The following KRT77 variants were observed in gnomAD, a reference collection of about 807,000 sequenced individuals.
The protein encoded by KRT77 is keratin 77.
KRT77 carries 44 observed loss-of-function variants against 51.5 expected under a neutral mutation model. That is an observed-to-expected ratio of 0.85 (90% CI 0.67 to 1.10). KRT77 has a LOEUF of 1.10. Ranked by LOEUF, KRT77 falls within the 50% of genes least tolerant of loss-of-function variation. The pLI, the probability that KRT77 is intolerant of heterozygous loss-of-function variation, is 0.00. For missense variants in KRT77, 763 were observed against 743.9 expected (o/e 1.03, Z -0.30); for synonymous variants, 293 against 302.0 (o/e 0.97, Z 0.31).
At position 52,702,996 on chromosome 12, in the gene KRT77, C is replaced by T. The variant is rs150486275; in HGVS notation, c.439G>A (p.Glu147Lys). Residue 147 changes from glutamate (E) to lysine (K), a missense_variant, in exon 1 of 9, where the codon GAG becomes AAG. Physicochemically the swap from Glu to Lys is moderately conservative, Grantham distance 56. Coordinates refer to ENST00000341809, the MANE Select transcript of KRT77 (RefSeq NM_175078.3). ...GGGTCCACCTCCAGGTGAAGTGGCT[C>T]TAGGAGGCTCTGGTTAATGGTCACC... ...QEVTINQSLL[E>K]PLHLEVDPEI... 3.1e-6 allele frequency: 5 copies of T among 1,614,028 alleles called. No homozygotes were observed. Among genetic ancestry groups the T allele is most frequent in the Non-Finnish European group, 4.2e-6 (5 of 1,179,992 alleles).
In KRT77 at chr12:52,692,519, G is replaced by A. The variant is rs145264018; in HGVS notation, c.1329C>T (p.Ala443=). 422 of 1,614,002 alleles carry A rather than the reference G, an allele frequency of 2.6e-4. 2 individuals carry two copies. In the Middle Eastern group the frequency reaches 4.9e-3, roughly 19 times the overall value. ...TGGCCTGGTAGTCACGCAGCAGCCG[G>A]GCCAGCTCCTCCTTGGACTGCTGCA... ...EALQQSKEEL[A]RLLRDYQAML... Residue 443 remains alanine, a synonymous_variant, in exon 7 of 9, where the codon GCC becomes GCT. Transcript: ENST00000341809.
chr12:52,703,405 C>G lies in KRT77; in HGVS notation c.30G>C (p.Ala10=). The part of the protein sequence containing the change: MSHQFSSQS[A]FSSMSRRVYS... ...AAACCCGCCTGCTCATTGAACTAAACGCGGACTGAGAACTAAATTGGTGGC... is the reference window on the plus strand; with the variant it reads ...AAACCCGCCTGCTCATTGAACTAAAGGCGGACTGAGAACTAAATTGGTGGC... Residue 10 remains alanine (A), a synonymous_variant, in exon 1 of 9, where the codon GCG becomes GCC. Transcript: ENST00000341809. 6.3e-7 allele frequency: 1 copy of G among 1,598,814 alleles called. No homozygotes were observed. The highest frequency in any genetic ancestry group is 1.7e-4 in the Middle Eastern group (1 of 5,998).
At chr12:52,695,712 G>T in intron 4 of KRT77, 60 bp downstream of exon 4, 1 of 1,222,766 alleles carries the variant, frequency 8.2e-7, no homozygotes, top group Non-Finnish European at 1.2e-6. Flanking sequence ...CCCTCTTACA[G>T]CCCATACTCC....
Position 52,696,389 on chromosome 12 carries a change from T to A in KRT77, c.800A>T (p.Asp267Val). The A allele has an allele frequency of 1.2e-6, 2 of 1,614,200 alleles. No individual in the cohort carries two copies. Among genetic ancestry groups the A allele is most frequent in the Non-Finnish European group, 1.7e-6 (2 of 1,180,022 alleles). ...EINKRTGSEN[D>V]FVVLKKDVDA... ...CCTCACCTTCTTCAGGACGACAAAG[T>A]CATTCTCGCTGCCAGTCCTCTTGTT... Residue 267 changes from aspartate to valine, a missense_variant, in exon 3 of 9, where the codon GAC becomes GTC. By Grantham distance (152) the Asp-to-Val change is radical. Transcript: ENST00000341809.
rs961387089 is a variant in KRT77 at position 52,690,882 on chromosome 12, T to A, written c.*283A>T. On this transcript the variant is annotated 3_prime_UTR_variant, in exon 9 of 9. Transcript: ENST00000341809. The stretch of plus-strand genomic sequence containing the variant: ...TTGTGCTCACCCTGGGCTACCGATC[T>A]TCCAAAAAGGTGGGAGCAGGAACAG... 7.3e-6 allele frequency: 4 copies of A among 545,408 alleles called. No individual in the cohort carries two copies. In the African/African-American group the frequency reaches 7.8e-5, roughly 11 times the overall value. 33.8% of individuals were successfully genotyped at this position (545,408 alleles called of 1,614,324 possible). A position where few individuals can be genotyped will look rare whatever the true frequency, so the allele number is the denominator to read the frequency against.
chr12:52,695,000 G>A (rs916013548), intron 4 of KRT77: 9 of 356,882 alleles, frequency 2.5e-5, no homozygotes, highest in Non-Finnish European at 4.0e-5. Context: ...AACCTGGAGC[G>A]TTCAGATACC....
In KRT77 at chr12:52,694,726, C is replaced by T. The variant is rs201946142; in HGVS notation, c.980G>A (p.Arg327His). 3.0e-5 allele frequency: 49 copies of T among 1,613,402 alleles called. No individual in the cohort carries two copies. In the Middle Eastern group the frequency reaches 4.9e-4, roughly 16 times the overall value. Residue 327 changes from arginine to histidine, a missense_variant, in exon 5 of 9, where the codon CGT (arginine) becomes CAT (histidine). Arg to His is a conservative substitution (Grantham distance 29, BLOSUM62 0). Coordinates refer to ENST00000341809, the MANE Select transcript of KRT77 (RefSeq NM_175078.3). ...TNVILSMDNNRSLDLDSIIDA... is the reference protein window; with the variant it reads ...TNVILSMDNNHSLDLDSIIDA... ...GATGATGCTGTCCAGGTCCAGGGAA[C>T]GGTTATTGTCCATGGACAGGATGAC...
chr12:52,702,419 ATGTG>A (rs548989316), intron 1 of KRT77, among the ~76,000 whole-genome samples: 9 of 148,046 alleles, frequency 6.1e-5, no homozygotes, highest in African/African-American at 2.0e-4. Context: ...GTGTGTGTGC[ATGTG>A]TGTGTGTGTG....
chr12:52,702,419 A>ATG (rs548989316), intron 1 of KRT77, among the ~76,000 whole-genome samples: 4,551 of 148,008 alleles, frequency 0.031, 191 homozygotes, highest in African/African-American at 0.095. Context: ...GTGTGTGTGC[A>ATG]TGTGTGTGTG....
At chr12:52,694,811 G>A (rs1941769876) in intron 4 of KRT77, 21 bp from the exon 5 acceptor site, 4 of 1,580,414 alleles carry the variant, frequency 2.5e-6, no homozygotes, top group East Asian at 2.3e-5. Context: ...TGGCGCACAG[G>A]CTGACTCCTT....
intron 5 of KRT77, 106 bp downstream of exon 5, chr12:52,694,520 C>G (rs1027841336): frequency 1.8e-6 from 2 of 1,099,392 alleles, no homozygotes. Flanking sequence ...ATTTGTATAA[C>G]AAACACATTT....
In KRT77 at chr12:52,690,914, G is replaced by A. The variant is rs1469428690; in HGVS notation, c.*251C>T. The A allele has an allele frequency of 1.7e-6, 1 of 582,910 alleles. No homozygotes were observed. The highest frequency in any genetic ancestry group is 3.0e-6 in the Non-Finnish European group (1 of 333,164). The allele number at this position is 582,910 out of a possible 1,614,324, so 36.1% of individuals were successfully genotyped here. On this transcript the variant is annotated 3_prime_UTR_variant, in exon 9 of 9. Transcript: ENST00000341809. ...AAGGTGGGAGCAGGAACAGCAGCAG[G>A]GCCAGCAGAGCGGGGTCTGAGTGAG...
At chr12:52,697,967 A>G in intron 1 of KRT77, 71 bp from the exon 2 acceptor site, 1 of 1,483,292 alleles carries the variant, frequency 6.7e-7, no homozygotes, top group Non-Finnish European at 9.4e-7. Flanking sequence ...AGGAGCATCC[A>G]TACCCCCTCA....
rs762222509 is a variant in KRT77 at position 52,691,353 on chromosome 12, C to T, written c.1549G>A (p.Gly517Arg). ...TAGCTTCTTCCGCCGCCATAGCCCC[C>T]ACCGCTGCCGCCGCCGTAGCCTCCT... ...GSGGYGGGSG[G>R]GYGGGRSYRG... The change falls in exon 9 of 9, where the codon GGG becomes AGG. Residue 517 changes from glycine to arginine, a missense_variant. Transcript: ENST00000341809. 1.9e-6 allele frequency: 3 copies of T among 1,595,452 alleles called. No individual in the cohort carries two copies. The South Asian group carries it at 3.3e-5, about 18-fold the overall frequency.
At chr12:52,700,450 T>A (rs1941871025) in intron 1 of KRT77, among the ~76,000 whole-genome samples, 1 of 149,582 alleles carries the variant, frequency 6.7e-6, no homozygotes, top group African/African-American at 2.5e-5. Context: ...CCACAGAAGG[T>A]GAGGGAGGAA....
chr12:52,700,964 C>A (rs1004075956), intron 1 of KRT77, among the ~76,000 whole-genome samples: 2 of 152,178 alleles, frequency 1.3e-5, no homozygotes, highest in African/African-American at 4.8e-5. Context: ...CTTCTTCCTT[C>A]CAGCCAGGCC....
intron 3 of KRT77, 78 bp from the exon 4 acceptor site, chr12:52,695,945 G>A: frequency 1.1e-6 from 1 of 893,470 alleles, no homozygotes; most frequent in Non-Finnish European, 1.9e-6. Flanking sequence ...GCTCAGGCGA[G>A]TGGCAGAGCC....
intron 1 of KRT77, 87 bp from the exon 2 acceptor site, chr12:52,697,983 T>A: frequency 5.5e-6 from 8 of 1,446,278 alleles, no homozygotes; most frequent in Admixed American, 1.7e-5. Context: ...CCTCAACACA[T>A]CCAGACCTCA....
rs761226338 is a variant in KRT77, at chr12:52,697,702, G to C, written c.738C>G (p.Val246=). The change falls in exon 2 of 9, where the codon GTC becomes GTG. Residue 246 remains valine (V), a synonymous_variant. Coordinates refer to ENST00000341809, the MANE Select transcript of KRT77 (RefSeq NM_175078.3). ...CTCACTTGCTCTTGTAGTCCTCCAC[G>C]ACATCCTGCATGCTCCTGACCTCCG... ...QNAEVRSMQD[V]VEDYKSKYED... 2.5e-6 allele frequency: 4 copies of C among 1,613,100 alleles called. No individual in the cohort carries two copies. Among genetic ancestry groups the C allele is most frequent in the Admixed American group, 1.7e-5 (1 of 59,938 alleles).
Sources: allele counts gnomAD v4.1 joint callset (sites outside exome capture counted in the v4.1 genomes callset), GRCh38; gene constraint gnomAD v4.1.1; transcripts MANE v1.5; gene names NCBI Gene and HGNC (gene_info 2026-07-23, HGNC 2026-07-21).